GABBR2: variants seen among roughly 807,000 people sequenced by gnomAD.
GABBR2 encodes gamma-aminobutyric acid type B receptor subunit 2.
GABBR2 carries 23 observed loss-of-function variants against 105.6 expected under a neutral mutation model. That is an observed-to-expected ratio of 0.22 (90% CI 0.16 to 0.31). GABBR2 has a LOEUF of 0.31. GABBR2 is among the 10% of genes least tolerant of loss of function. The pLI is 1.00. For missense variants in GABBR2, 734 were observed against 1,245.5 expected (o/e 0.59, Z 6.18); for synonymous variants, 478 against 499.7 (o/e 0.96, Z 0.58).
intron 1 of GABBR2, chr9:98,607,819 A>T: frequency 1.1e-6 from 1 of 923,158 alleles, no homozygotes; most frequent in South Asian, 1.4e-5. Context: ...GCAGCTGACC[A>T]AGAGCCCTCC....
At chr9:98,481,726 C>A (rs543199503) in intron 4 of GABBR2, among the ~76,000 whole-genome samples, 8 of 152,190 alleles carry the variant, frequency 5.3e-5, no homozygotes, top group African/African-American at 1.9e-4. Flanking sequence ...GTGAAATAGT[C>A]CTTGTAAAGT....
At chr9:98,436,789 A>T (rs534769114) in intron 7 of GABBR2, among the ~76,000 whole-genome samples, 1 of 152,302 alleles carries the variant, frequency 6.6e-6, no homozygotes, top group East Asian at 1.9e-4. Context: ...AAACTAGTTC[A>T]TCACAGTAAT....
At chr9:98,568,969 C>G (rs1179061583) in intron 2 of GABBR2, among the ~76,000 whole-genome samples, 3 of 152,054 alleles carry the variant, frequency 2.0e-5, no homozygotes, top group Non-Finnish European at 4.4e-5. Context: ...CTGCTTGGCC[C>G]ATAGTGCATG....
chr9:98,683,972 A>C (rs2418210), intron 1 of GABBR2, among the ~76,000 whole-genome samples: 129,634 of 139,592 alleles, frequency 0.93, 60,339 homozygotes, highest in African/African-American at 0.97. Context: ...CTCGCCACTG[A>C]ACTCCAGCCT....
At chr9:98,330,923 C>T (rs1270553422) in intron 13 of GABBR2, among the ~76,000 whole-genome samples, 5 of 151,990 alleles carry the variant, frequency 3.3e-5, no homozygotes, top group South Asian at 2.1e-4. Flanking sequence ...TTCCCTAGCC[C>T]GAAGCAACCA....
intron 2 of GABBR2, among the ~76,000 whole-genome samples, chr9:98,559,199 T>C (rs1828632034): frequency 6.6e-6 from 1 of 152,212 alleles, no homozygotes; most frequent in Non-Finnish European, 1.5e-5. Flanking sequence ...GTGTGATCTC[T>C]GCTCACTGCA....
At position 98,453,998 on chromosome 9, in the gene GABBR2, T is replaced by G; in HGVS notation, c.1219A>C (p.Asn407His). 3.1e-6 allele frequency: 5 copies of G among 1,613,090 alleles called. No homozygotes were observed. Among genetic ancestry groups the G allele is most frequent in the Non-Finnish European group, 4.2e-6 (5 of 1,179,024 alleles). ...RIILNAMNET[N>H]FFGVTGQVVF... is the part of the protein sequence containing the mutation. ...GGACTGACCGTGACCCCGAAGAAGTTGGTCTCGTTCATGGCATTGAGGATG... is the reference window on the plus strand; with the variant it reads ...GGACTGACCGTGACCCCGAAGAAGTGGGTCTCGTTCATGGCATTGAGGATG... Residue 407 changes from asparagine (N) to histidine (H), a missense_variant, in exon 7 of 19, where the codon AAC becomes CAC. Asn to His is a moderately conservative substitution (Grantham distance 68, BLOSUM62 1). Transcript: ENST00000259455.
intron 6 of GABBR2, among the ~76,000 whole-genome samples, chr9:98,455,733 T>A (rs1355042365): frequency 6.6e-6 from 1 of 152,220 alleles, no homozygotes; most frequent in African/African-American, 2.4e-5. Context: ...AAAGACTGTG[T>A]CTTCCGTGGG....
At chr9:98,607,227 T>C (rs779127139) in intron 1 of GABBR2, 17 of 1,448,920 alleles carry the variant, frequency 1.2e-5, no homozygotes, top group Non-Finnish European at 1.6e-5. Context: ...TACAATCGAC[T>C]ACATTGATAA....
chr9:98,374,859 T>TG (rs1024815037), intron 11 of GABBR2, among the ~76,000 whole-genome samples: 3 of 152,190 alleles, frequency 2.0e-5, no homozygotes, highest in African/African-American at 7.2e-5. Flanking sequence ...AGTATGACTG[T>TG]GTGCTGAGCC....
In GABBR2 at chr9:98,411,823, G is replaced by A. The variant is rs149878863; in HGVS notation, c.1237-5682C>T. 3.7e-3 allele frequency among the ~76,000 whole-genome samples: 566 copies of A among 152,148 alleles called. 8 individuals carry two copies. Among genetic ancestry groups the A allele is most frequent in the East Asian group, 0.035 (179 of 5,160 alleles). On this transcript the variant is annotated intron_variant, in intron 7 of 18. Coordinates refer to ENST00000259455, the MANE Select transcript of GABBR2 (RefSeq NM_005458.8). ...CGGCCTCAAATGATCATCCCACCTC[G>A]GCTCCCCTGAAAAGTGCTGGGATTA...
At chr9:98,652,770 C>G (rs1401314794) in intron 1 of GABBR2, among the ~76,000 whole-genome samples, 1 of 152,202 alleles carries the variant, frequency 6.6e-6, no homozygotes, top group Non-Finnish European at 1.5e-5. Context: ...GAGCTGGCAC[C>G]AGGTGGCCTT....
At chr9:98,538,619 C>G in intron 3 of GABBR2, 1 of 984,148 alleles carries the variant, frequency 1.0e-6, no homozygotes. Context: ...GCCTTCTACC[C>G]GCTTCCATAG....
intron 1 of GABBR2, among the ~76,000 whole-genome samples, chr9:98,625,629 A>G (rs548287577): frequency 1.8e-4 from 28 of 152,320 alleles, no homozygotes; most frequent in Non-Finnish European, 2.4e-4. Flanking sequence ...AAGACTCTAC[A>G]CAGAGGTAGT....
At position 98,520,794 on chromosome 9, in the gene GABBR2, G is replaced by A. The variant is rs141005404; in HGVS notation, c.630+21079C>T. Among the ~76,000 whole-genome samples the A allele has an allele frequency of 3.8e-3, 580 of 152,298 alleles. 2 individuals carry two copies. Among genetic ancestry groups the A allele is most frequent in the South Asian group, 7.7e-3 (37 of 4,814 alleles). Reference sequence around the variant, plus strand: ...TGAAGGCCAGGATGTGGCTCAGGACGCCAGATGATGAGTCCCTGGCAAGGG... The same window carrying A: ...TGAAGGCCAGGATGTGGCTCAGGACACCAGATGATGAGTCCCTGGCAAGGG... On this transcript the variant is annotated intron_variant, in intron 3 of 18. Transcript: ENST00000259455.
At chr9:98,501,207 C>T (rs1283830905) in intron 3 of GABBR2, among the ~76,000 whole-genome samples, 1 of 149,102 alleles carries the variant, frequency 6.7e-6, no homozygotes, top group Non-Finnish European at 1.5e-5. Context: ...CTCTTTCACC[C>T]AGGCTGGAAT....
chr9:98,541,915 C>T lies in GABBR2; in HGVS notation c.588G>A (p.Lys196=). ...ILKLLKHYQW[K]RVGTLTQDVQ... Reference sequence around the variant, plus strand: ...CGTCTTGCGTCAGCGTGCCCACGCGCTTCCACTGGTAGTGCTTGAGCAACT... The same window carrying T: ...CGTCTTGCGTCAGCGTGCCCACGCGTTTCCACTGGTAGTGCTTGAGCAACT... The change falls in exon 3 of 19, where the codon AAG becomes AAA. Residue 196 remains lysine (K), a synonymous_variant. Coordinates refer to ENST00000259455, the MANE Select transcript of GABBR2 (RefSeq NM_005458.8). 4 of 1,614,242 alleles carry T rather than the reference C, an allele frequency of 2.5e-6. No individual in the cohort carries two copies. The highest frequency in any genetic ancestry group is 3.4e-6 in the Non-Finnish European group (4 of 1,180,026).
chr9:98,560,079 A>G (rs1423758811), intron 2 of GABBR2, among the ~76,000 whole-genome samples: 1 of 152,126 alleles, frequency 6.6e-6, no homozygotes, highest in Non-Finnish European at 1.5e-5. Context: ...CACATTATAT[A>G]AGGATGGCAT....
At chr9:98,597,443 A>G (rs1010923103) in intron 1 of GABBR2, among the ~76,000 whole-genome samples, 2 of 152,210 alleles carry the variant, frequency 1.3e-5, no homozygotes, top group African/African-American at 4.8e-5. Flanking sequence ...TGCACACTTC[A>G]CAAGCATCAT....
Sources: gnomAD v4.1 joint callset for allele counts (sites outside exome capture counted in the v4.1 genomes callset) on GRCh38, gnomAD v4.1.1 for gene constraint, MANE v1.5 for transcripts, NCBI Gene and HGNC (gene_info 2026-07-23, HGNC 2026-07-21) for gene names.